The following SEMA3A variants were observed in gnomAD, a reference collection of about 807,000 sequenced individuals.
The protein encoded by SEMA3A is semaphorin-3A.
A neutral mutation model predicts 97.9 loss-of-function variants in SEMA3A; 29 were observed. That is an observed-to-expected ratio of 0.30 (90% CI 0.22 to 0.40). The LOEUF (loss-of-function observed/expected upper bound fraction) is 0.40. Among genes scored for constraint, SEMA3A ranks in the 10% least tolerant of loss-of-function variants. The probability of loss-of-function intolerance (pLI) is 1.00; values close to 1 mark genes in which losing one functional copy is unlikely to be tolerated. For synonymous variants in SEMA3A, 321 were observed against 323.7 expected, an observed-to-expected ratio of 0.99 and a Z score of 0.09; for missense variants, 763 against 951.3, an observed-to-expected ratio of 0.80 and a Z score of 2.60.
At chr7:84,137,921 C>G (rs935888981) in intron 1 of SEMA3A, among the ~76,000 whole-genome samples, 7 of 152,086 alleles carry the variant, frequency 4.6e-5, no homozygotes, top group Admixed American at 4.6e-4. Flanking sequence ...AAGCCATCAC[C>G]ACAGTACTTA....
At chr7:84,488,773 G>A (rs76043265) in intron 1 of SEMA3A, among the ~76,000 whole-genome samples, 1 of 152,152 alleles carries the variant, frequency 6.6e-6, no homozygotes, top group African/African-American at 2.4e-5. Context: ...GTAACCTGAA[G>A]TGAGATCATA....
intron 6 of SEMA3A, among the ~76,000 whole-genome samples, chr7:84,016,525 G>T (rs1048705740): frequency 6.8e-6 from 1 of 146,270 alleles, no homozygotes; most frequent in Non-Finnish European, 1.5e-5. Flanking sequence ...GCGACAGAGC[G>T]AGACTCTGTC....
intron 1 of SEMA3A, among the ~76,000 whole-genome samples, chr7:84,135,368 C>A (rs1796095011): frequency 6.6e-6 from 1 of 151,986 alleles, no homozygotes; most frequent in Admixed American, 6.6e-5. Flanking sequence ...GCCTCGGCCT[C>A]CCAAGGTGCT....
chr7:83,986,963 C>T lies in SEMA3A; in HGVS notation c.1453-1486G>A, dbSNP rs539974125. Among the ~76,000 whole-genome samples, 25 of 143,860 alleles carry T rather than the reference C, an allele frequency of 1.7e-4. No individual in the cohort carries two copies. The South Asian group carries it at 5.3e-3, about 30-fold the overall frequency. The allele number at this position is 143,860 out of a possible 152,430, so 94.4% of individuals were successfully genotyped here. ...CTCTTTCCTCTCTTCTCTCATCTCT[C>T]TCTCTTTCACACACACACACACACA... On this transcript the variant is annotated intron_variant, in intron 12 of 16. Transcript: ENST00000265362.
At chr7:84,072,706 G>GA (rs1367810005) in intron 4 of SEMA3A, among the ~76,000 whole-genome samples, 1 of 151,946 alleles carries the variant, frequency 6.6e-6, no homozygotes, top group African/African-American at 2.4e-5. Context: ...GAATCTCAAG[G>GA]AGTATACCAC....
intron 2 of SEMA3A, among the ~76,000 whole-genome samples, chr7:84,325,117 CTCTATCTATCTA>C (rs60907885): frequency 0.011 from 1,607 of 149,154 alleles, 11 homozygotes; most frequent in Non-Finnish European, 0.012. Context: ...ATGTATATAT[CTCTATCTATCTA>C]TCTATCTATC....
Position 84,039,755 on chromosome 7 carries a change from T to G in SEMA3A, c.667+6569A>C, listed in dbSNP as rs377761128. ...TAAAAAATGTACATATGGCTTAAAG[T>G]GTTATGCAACTTATAAAATTAAGCA... On this transcript the variant is annotated intron_variant, in intron 6 of 16. Transcript: ENST00000265362. Among the ~76,000 whole-genome samples the G allele has an allele frequency of 3.9e-5, 6 of 152,216 alleles. No individual in the cohort carries two copies. In the South Asian group the frequency reaches 1.2e-3, roughly 32 times the overall value.
intron 3 of SEMA3A, among the ~76,000 whole-genome samples, chr7:84,250,820 T>C (rs965722511): frequency 2.0e-5 from 3 of 152,238 alleles, no homozygotes; most frequent in African/African-American, 4.8e-5. Context: ...AATACAGTTA[T>C]GGAATTTTAT....
At chr7:84,063,373 C>T (rs1583901193) in intron 4 of SEMA3A, among the ~76,000 whole-genome samples, 1 of 151,122 alleles carries the variant, frequency 6.6e-6, no homozygotes, top group African/African-American at 2.4e-5. Context: ...TCTCCTCCTC[C>T]AAAGGAACGC....
chr7:83,965,987 G>A (rs1788680853), intron 15 of SEMA3A, among the ~76,000 whole-genome samples: 1 of 151,006 alleles, frequency 6.6e-6, no homozygotes, highest in Non-Finnish European at 1.5e-5. Flanking sequence ...CCACCAATGG[G>A]TGCATTAAAA....
chr7:84,164,033 C>A (rs934998312), intron 1 of SEMA3A, among the ~76,000 whole-genome samples: 7 of 151,952 alleles, frequency 4.6e-5, no homozygotes, highest in Non-Finnish European at 7.4e-5. Flanking sequence ...TTAGTAGAGA[C>A]AGGGTTTCTC....
chr7:84,344,466 A>C (rs1386784267), intron 2 of SEMA3A, among the ~76,000 whole-genome samples: 1 of 152,178 alleles, frequency 6.6e-6, no homozygotes, highest in East Asian at 1.9e-4. Flanking sequence ...GAGAAGACCC[A>C]AGAATTGAAC....
chr7:84,203,526 A>ATATATAT (rs372380784), intron 3 of SEMA3A, among the ~76,000 whole-genome samples: 4 of 25,674 alleles, frequency 1.6e-4, no homozygotes, highest in African/African-American at 5.3e-4. Flanking sequence ...ATATATATAT[A>ATATATAT]TTTTTTTTTT....
chr7:84,356,173 T>C (rs1335899579), intron 2 of SEMA3A, among the ~76,000 whole-genome samples: 1 of 151,868 alleles, frequency 6.6e-6, no homozygotes, highest in Non-Finnish European at 1.5e-5. Flanking sequence ...ATTTTGAAAA[T>C]TATTTTGAAA....
rs16887721 is a variant in SEMA3A, at chr7:84,472,973, T to C, written c.-246+19487A>G. Among the ~76,000 whole-genome samples the C allele has an allele frequency of 0.014, 2,059 of 152,210 alleles. 96 individuals carry two copies. In the East Asian group the frequency reaches 0.16, roughly 12 times the overall value. On this transcript the variant is annotated intron_variant, in intron 1 of 3. Coordinates refer to the SEMA3A transcript ENST00000424555. The stretch of plus-strand genomic sequence containing the variant: ...ATTAGTGGCATTAAAAACGGTACTG[T>C]ATATTCGGTGTTCCAAAACTTGATT...
chr7:84,483,187 G>A (rs1325166125), intron 1 of SEMA3A, among the ~76,000 whole-genome samples: 2 of 152,006 alleles, frequency 1.3e-5, no homozygotes, highest in African/African-American at 4.8e-5. Context: ...AACTACCCAT[G>A]GATAAAAAGC....
chr7:84,004,799 T>TATTA (rs1232503020), intron 11 of SEMA3A, among the ~76,000 whole-genome samples: 3 of 152,210 alleles, frequency 2.0e-5, no homozygotes, highest in African/African-American at 7.2e-5. Flanking sequence ...TTTAGTCATT[T>TATTA]ATTAAAGGTG....
intron 3 of SEMA3A, among the ~76,000 whole-genome samples, chr7:84,259,600 G>A (rs1182244345): frequency 6.6e-6 from 1 of 151,906 alleles, no homozygotes; most frequent in Admixed American, 6.6e-5. Flanking sequence ...TAAATCCTAG[G>A]TACTTATTTT....
intron 3 of SEMA3A, among the ~76,000 whole-genome samples, chr7:84,215,206 G>T (rs993855946): frequency 6.6e-6 from 1 of 151,488 alleles, no homozygotes. Context: ...TTTTTTGGAC[G>T]TGGAGTTTTA....
Sources: gnomAD v4.1 joint callset for allele counts (sites outside exome capture counted in the v4.1 genomes callset) on GRCh38, gnomAD v4.1.1 for gene constraint, MANE v1.5 for transcripts, NCBI Gene and HGNC (gene_info 2026-07-23, HGNC 2026-07-21) for gene names.